Variants in EIPR1 observed in about 807,000 individuals in gnomAD.
EIPR1 encodes the protein EARP complex and GARP complex interacting protein 1.
In EIPR1, 25 loss-of-function variants were observed where a neutral mutation model predicts 48.1. The ratio of observed to expected loss-of-function variants is 0.52; its 90% CI spans 0.38 to 0.73. The LOEUF is 0.73. EIPR1 is among the 30% of genes least tolerant of loss of function. EIPR1 has a pLI of 0.00. For missense variants in EIPR1, 415 were observed against 506.2 expected (o/e 0.82, Z 1.73); for synonymous variants, 204 against 201.9 (o/e 1.01, Z -0.09).
intron 1 of EIPR1, among the ~76,000 whole-genome samples, chr2:3,370,758 C>T (rs1166699183): frequency 2.0e-5 from 3 of 152,168 alleles, no homozygotes; most frequent in African/African-American, 7.2e-5. Context: ...AAATCTGCAC[C>T]TGATTGGTGT....
At chr2:3,266,693 G>T (rs1449590279) in intron 3 of EIPR1, among the ~76,000 whole-genome samples, 2 of 152,230 alleles carry the variant, frequency 1.3e-5, no homozygotes, top group Non-Finnish European at 1.5e-5. Context: ...GCTGAGAAGT[G>T]GAGGTGTCAG....
At chr2:3,369,398 C>T (rs963137664) in intron 1 of EIPR1, among the ~76,000 whole-genome samples, 2 of 152,160 alleles carry the variant, frequency 1.3e-5, no homozygotes, top group African/African-American at 4.8e-5. Flanking sequence ...TCAGTGGGTG[C>T]AGCGAACCGT....
chr2:3,256,049 C>A (rs903599345), intron 4 of EIPR1, among the ~76,000 whole-genome samples: 8 of 152,176 alleles, frequency 5.3e-5, no homozygotes, highest in African/African-American at 1.4e-4. Flanking sequence ...CCTTACTGTG[C>A]AAGACTGGCT....
Position 3,357,820 on chromosome 2 carries a change from C to T in EIPR1, c.43-3187G>A, listed in dbSNP as rs546734878. ...CTGAAGTTTTTCTTTTAACAGAGTCCGTGAGCCAAGGAATGTGGGTGCCTC... is the reference window on the plus strand; with the variant it reads ...CTGAAGTTTTTCTTTTAACAGAGTCTGTGAGCCAAGGAATGTGGGTGCCTC... On this transcript the variant is annotated intron_variant, in intron 1 of 8. Coordinates refer to ENST00000382125, the MANE Select transcript of EIPR1 (RefSeq NM_003310.5). Among the ~76,000 whole-genome samples the T allele has an allele frequency of 7.6e-4, 115 of 151,642 alleles. No homozygotes were observed. The South Asian group carries it at 9.2e-3, about 12-fold the overall frequency.
intron 5 of EIPR1, among the ~76,000 whole-genome samples, chr2:3,211,625 CTG>C (rs1182812849): frequency 6.6e-6 from 1 of 152,198 alleles, no homozygotes; most frequent in Non-Finnish European, 1.5e-5. Flanking sequence ...AATGGAAACA[CTG>C]TGTTCCTGAA....
chr2:3,368,876 G>A (rs760792181), intron 1 of EIPR1, among the ~76,000 whole-genome samples: 6 of 152,088 alleles, frequency 3.9e-5, no homozygotes, highest in East Asian at 1.9e-4. Context: ...AGCATTTTGC[G>A]ATCTTAACGA....
chr2:3,197,054 A>G, intron 5 of EIPR1, 37 bp from the exon 6 acceptor site: 1 of 1,610,318 alleles, frequency 6.2e-7, no homozygotes, highest in Non-Finnish European at 8.5e-7. Context: ...GGAAGAAGAA[A>G]AGAAGAAGAA....
rs142342559 is a variant in EIPR1 at position 3,205,147 on chromosome 2, G to A, written c.517-8130C>T. Among the ~76,000 whole-genome samples, 420 of 152,256 alleles carry A rather than the reference G, an allele frequency of 2.8e-3. 2 individuals are homozygous for A. The highest frequency in any genetic ancestry group is 9.8e-3 in the African/African-American group (405 of 41,528). ...GGCGTGTCCCAGGTTGTGCACCCTG[G>A]GCTGCACGGCAAGCGGGAGGGGCTG... is the stretch of plus-strand genomic sequence containing the variant. On this transcript the variant is annotated intron_variant, in intron 5 of 8. Transcript: ENST00000382125.
chr2:3,327,615 TTC>T (rs2103334424), intron 3 of EIPR1, among the ~76,000 whole-genome samples: 1 of 150,910 alleles, frequency 6.6e-6, no homozygotes, highest in Non-Finnish European at 1.5e-5. Flanking sequence ...CATTCTCTTT[TTC>T]TGTGGCAAGA....
intron 5 of EIPR1, among the ~76,000 whole-genome samples, chr2:3,207,215 C>T (rs566470743): frequency 2.0e-5 from 3 of 152,316 alleles, no homozygotes; most frequent in South Asian, 4.1e-4. Context: ...CTGTGAGGAA[C>T]GCTGCTCTCC....
intron 3 of EIPR1, among the ~76,000 whole-genome samples, chr2:3,330,978 G>A (rs563880911): frequency 2.4e-4 from 32 of 132,246 alleles, no homozygotes; most frequent in Middle Eastern, 3.9e-3. Context: ...GTACACTCAC[G>A]AGATGGTGTG....
At chr2:3,310,652 CAAAAAAAAAAAAA>C (rs751422009) in intron 3 of EIPR1, among the ~76,000 whole-genome samples, 3 of 55,298 alleles carry the variant, frequency 5.4e-5, no homozygotes, top group Non-Finnish European at 8.0e-5. Context: ...GACTCCGTCT[CAAAAAAAAAAAAA>C]AAAAAAAAAA....
chr2:3,260,964 T>C (rs1667317231), intron 3 of EIPR1, among the ~76,000 whole-genome samples: 1 of 152,190 alleles, frequency 6.6e-6, no homozygotes, highest in African/African-American at 2.4e-5. Flanking sequence ...GAAAACACTT[T>C]TGCAGTTGAA....
chr2:3,376,260 T>G (rs1187628561), intron 1 of EIPR1, among the ~76,000 whole-genome samples: 1 of 152,072 alleles, frequency 6.6e-6, no homozygotes, highest in Non-Finnish European at 1.5e-5. Flanking sequence ...GGGAGGGAGA[T>G]GCATATTTTA....
At position 3,319,917 on chromosome 2, in the gene EIPR1, T is replaced by TGG. The variant is rs199623797; in HGVS notation, c.259+18098_259+18099dup. The stretch of plus-strand genomic sequence containing the variant: ...GCACCTGTGGACAACACCGCACCTG[T>TGG]GGGCAGGGCAATACTGCACCTGCGG... On this transcript the variant is annotated intron_variant, in intron 3 of 8. Transcript: ENST00000382125. The TGG allele has an allele frequency of 6.0e-3, 477 of 79,296 alleles. 33 individuals carry two copies. Among genetic ancestry groups the TGG allele is most frequent in the African/African-American group, 0.018 (320 of 18,094 alleles). The allele number at this position is 79,296 out of a possible 1,614,324, so 4.9% of individuals were successfully genotyped here.
At chr2:3,321,796 C>A (rs1450294780) in intron 3 of EIPR1, among the ~76,000 whole-genome samples, 1 of 152,186 alleles carries the variant, frequency 6.6e-6, no homozygotes, top group African/African-American at 2.4e-5. Context: ...CACCTTCTTT[C>A]TACAGCTTAA....
intron 3 of EIPR1, among the ~76,000 whole-genome samples, chr2:3,283,138 G>A (rs1668066489): frequency 6.6e-6 from 1 of 152,166 alleles, no homozygotes; most frequent in African/African-American, 2.4e-5. Context: ...TTGCCACTTT[G>A]AGGAATCAGG....
chr2:3,256,687 G>C (rs1180504912), intron 4 of EIPR1, among the ~76,000 whole-genome samples: 1 of 152,192 alleles, frequency 6.6e-6, no homozygotes, highest in African/African-American at 2.4e-5. Flanking sequence ...AGAAAATACG[G>C]CTTCTTAATT....
At chr2:3,245,189 C>T (rs1004009254) in intron 4 of EIPR1, among the ~76,000 whole-genome samples, 14 of 28,144 alleles carry the variant, frequency 5.0e-4, no homozygotes, top group Non-Finnish European at 8.4e-4. Flanking sequence ...TTTACTTTAC[C>T]GTTGCGTTGC....
Sources: allele counts gnomAD v4.1 joint callset (sites outside exome capture counted in the v4.1 genomes callset), GRCh38; gene constraint gnomAD v4.1.1; transcripts MANE v1.5; gene names NCBI Gene and HGNC (gene_info 2026-07-23, HGNC 2026-07-21).